ZNF75D: variants seen among roughly 807,000 people sequenced by gnomAD.
ZNF75D encodes the protein zinc finger protein 75D, also known as zinc finger protein 75.
A neutral mutation model predicts 33.3 loss-of-function variants in ZNF75D; 33 were observed. The ratio of observed to expected loss-of-function variants is 0.99; its 90% CI spans 0.75 to 1.32. The LOEUF (loss-of-function observed/expected upper bound fraction) is 1.32, where lower values mean the gene tolerates loss of function less well. Among genes scored for constraint, ZNF75D ranks in the 40% most tolerant of loss-of-function variants. The pLI is 0.00. For synonymous variants in ZNF75D, 113 were observed against 130.6 expected (o/e 0.87, Z 0.92); for missense variants, 338 against 367.5 (o/e 0.92, Z 0.66).
chrX:135,316,959 AATGAATTT>A (rs1450963759), intron 1 of ZNF75D, among the ~76,000 whole-genome samples: 2 of 110,855 alleles, frequency 1.8e-5, no homozygotes, highest in African/African-American at 6.6e-5. Flanking sequence ...TCCAGGATTT[AATGAATTT>A]CTTTTTGATT....
downstream of ZNF75D, among the ~76,000 whole-genome samples, chrX:135,282,556 A>G (rs782582622): frequency 4.5e-5 from 5 of 111,584 alleles, no homozygotes; most frequent in Middle Eastern, 4.6e-3. Flanking sequence ...TCCTGCAGCT[A>G]GCTCAGTGTC....
intron 1 of ZNF75D, among the ~76,000 whole-genome samples, chrX:135,332,345 G>A (rs1213740702): frequency 9.0e-6 from 1 of 111,301 alleles, no homozygotes; most frequent in African/African-American, 3.3e-5. Context: ...CACTTCATAT[G>A]TTGAAATCCT....
chrX:135,333,569 A>C, intron 1 of ZNF75D, among the ~76,000 whole-genome samples: 1 of 112,221 alleles, frequency 8.9e-6, no homozygotes, highest in Middle Eastern at 4.6e-3. Flanking sequence ...AAGTCCCATT[A>C]GCCCTTATAT....
intron 1 of ZNF75D, among the ~76,000 whole-genome samples, chrX:135,271,212 T>C (rs1414880852): frequency 8.9e-6 from 1 of 111,915 alleles, no homozygotes; most frequent in Non-Finnish European, 1.9e-5. Context: ...TCATGTACCA[T>C]CTTCAGTTGC....
intron 1 of ZNF75D, among the ~76,000 whole-genome samples, chrX:135,314,619 T>C (rs1280830644): frequency 9.0e-6 from 1 of 111,412 alleles, no homozygotes; most frequent in Non-Finnish European, 1.9e-5. Flanking sequence ...AGACTTTTCT[T>C]TGTTGGGAGA....
intron 1 of ZNF75D, among the ~76,000 whole-genome samples, chrX:135,320,903 G>A (rs1222794918): frequency 9.0e-6 from 1 of 111,256 alleles, no homozygotes; most frequent in Non-Finnish European, 1.9e-5. Flanking sequence ...AGTTGCTACA[G>A]AGGAAAGAAA....
At chrX:135,257,630 C>T (rs1556414498) in intron 1 of ZNF75D, among the ~76,000 whole-genome samples, 1 of 112,796 alleles carries the variant, frequency 8.9e-6, no homozygotes, top group African/African-American at 3.2e-5. Flanking sequence ...AGGCCCACTG[C>T]TGTGATGGCT....
rs781826519 is a variant in ZNF75D at position 135,264,991 on chromosome X, C to A, written n.828-9214G>T. Among the ~76,000 whole-genome samples the A allele has an allele frequency of 6.2e-5, 7 of 112,071 alleles. No individual in the cohort carries two copies. The South Asian group carries it at 2.6e-3, about 41-fold the overall frequency. On this transcript the variant is annotated intron_variant and non_coding_transcript_variant, in intron 1 of 3. Transcript: ENST00000494295. ...ATCCCAGCACTTTGGGAGGCCAAGG[C>A]GGGCAGATCACGGGGTCAGAAGTTC...
intron 2 of ZNF75D, among the ~76,000 whole-genome samples, chrX:135,294,650 G>A (rs971576881): frequency 4.5e-5 from 5 of 111,191 alleles, no homozygotes; most frequent in East Asian, 5.6e-4. Flanking sequence ...TGAGTTTCTC[G>A]AAACTTTAAC....
intron 1 of ZNF75D, among the ~76,000 whole-genome samples, chrX:135,328,644 T>C (rs1449862948): frequency 2.6e-4 from 29 of 112,004 alleles, no homozygotes; most frequent in African/African-American, 8.5e-4. Flanking sequence ...ACTGTATTAC[T>C]GGTAAAACAG....
chrX:135,297,794 T>C (rs1221215777), intron 1 of ZNF75D: 1 of 111,982 alleles, frequency 8.9e-6, no homozygotes, highest in Non-Finnish European at 1.9e-5. Context: ...ACCTAAGACG[T>C]CTTTACAGAA....
chrX:135,302,701 G>A (rs782592227), intron 1 of ZNF75D, among the ~76,000 whole-genome samples: 2 of 111,926 alleles, frequency 1.8e-5, no homozygotes, highest in East Asian at 2.8e-4. Flanking sequence ...TGATAGTGTG[G>A]TGCAAAGTTT....
rs1347190675 is a variant in ZNF75D at position 135,286,938 on chromosome X, T to C, written c.*199A>G. On this transcript the variant is annotated 3_prime_UTR_variant, in exon 7 of 7. Transcript: ENST00000370766. ...CACTTTCATTTTTTTATTTATAAAG[T>C]ACTCCTTATGTATCAACTCTTGTGC... The C allele has an allele frequency of 4.6e-5, 19 of 413,047 alleles. No individual in the cohort carries two copies. Among genetic ancestry groups the C allele is most frequent in the Non-Finnish European group, 7.4e-5 (18 of 243,355 alleles). The allele number at this position is 413,047 out of a possible 1,213,427, so 34.0% of individuals were successfully genotyped here.
downstream of ZNF75D, among the ~76,000 whole-genome samples, chrX:135,285,281 C>A (rs1556419110): frequency 1.8e-5 from 2 of 111,925 alleles, no homozygotes; most frequent in Non-Finnish European, 3.8e-5. Context: ...TAGCCATCAC[C>A]TCCCCTCCAT....
At chrX:135,309,966 C>T (rs1483810192) in intron 1 of ZNF75D, among the ~76,000 whole-genome samples, 5 of 111,708 alleles carry the variant, frequency 4.5e-5, no homozygotes, top group South Asian at 3.7e-4. Context: ...AAAAACACTG[C>T]GAAGTCGAAG....
chrX:135,257,010 G>A (rs1207533349), intron 1 of ZNF75D, among the ~76,000 whole-genome samples: 2 of 111,625 alleles, frequency 1.8e-5, no homozygotes, highest in African/African-American at 6.5e-5. Context: ...AGAGCCCTTG[G>A]GCACTGAATA....
chrX:135,292,587 G>T, intron 3 of ZNF75D, 114 bp from the exon 4 acceptor site: 2 of 574,646 alleles, frequency 3.5e-6, no homozygotes, highest in Non-Finnish European at 5.4e-6. Flanking sequence ...CATTAGAGAA[G>T]TAATAAAAAG....
chrX:135,268,519 T>C (rs1556416559), intron 1 of ZNF75D, among the ~76,000 whole-genome samples: 1 of 110,130 alleles, frequency 9.1e-6, no homozygotes, highest in East Asian at 2.8e-4. Flanking sequence ...GAAATAAAAT[T>C]AAATACCTAA....
At chrX:135,301,564 A>G (rs1354820411) in intron 1 of ZNF75D, among the ~76,000 whole-genome samples, 1 of 112,510 alleles carries the variant, frequency 8.9e-6, no homozygotes, top group African/African-American at 3.2e-5. Context: ...GAAATTGGCC[A>G]AAACAAAGGG....
Sources: gnomAD v4.1 joint callset for allele counts (sites outside exome capture counted in the v4.1 genomes callset) on GRCh38, gnomAD v4.1.1 for gene constraint, MANE v1.5 for transcripts, NCBI Gene and HGNC (gene_info 2026-07-23, HGNC 2026-07-21) for gene names.